Variants in MPRIP observed in about 807,000 individuals in gnomAD.
MPRIP encodes myosin phosphatase Rho interacting protein.
Under a neutral mutation model 234.9 loss-of-function variants are expected in MPRIP, and 59 were observed. The observed-to-expected ratio is 0.25, with a 90% CI of 0.20 to 0.31. MPRIP has a LOEUF of 0.31. MPRIP is among the 10% of genes least tolerant of loss of function. The probability of loss-of-function intolerance (pLI) is 1.00; values close to 1 mark genes in which losing one functional copy is unlikely to be tolerated. For missense variants in MPRIP, 2,436 were observed against 3,071.0 expected, an observed-to-expected ratio of 0.79 and a Z score of 4.89; for synonymous variants, 1,144 against 1,263.9, an observed-to-expected ratio of 0.91 and a Z score of 2.01.
In MPRIP at chr17:17,174,505, G is replaced by A. The variant is rs151323450; in HGVS notation, c.6750+430G>A. Among the ~76,000 whole-genome samples, 60 of 152,332 alleles carry A rather than the reference G, an allele frequency of 3.9e-4. No homozygotes were observed. The South Asian group carries it at 0.011, about 27-fold the overall frequency. Reference sequence around the variant, plus strand: ...TGACACTTCTCAGGGTCAGGCTTACGGCTCACATTTATTTTTGTCAGATTT... The same window carrying A: ...TGACACTTCTCAGGGTCAGGCTTACAGCTCACATTTATTTTTGTCAGATTT... On this transcript the variant is annotated intron_variant, in intron 19 of 23. Coordinates refer to ENST00000651222, the MANE Select transcript of MPRIP (RefSeq NM_001364716.4).
intron 21 of MPRIP, 61 bp from the exon 22 acceptor site, chr17:17,177,189 A>T: frequency 6.6e-7 from 1 of 1,522,702 alleles, no homozygotes; most frequent in Admixed American, 1.7e-5. Context: ...AAGACAGGCC[A>T]TGTTGTATGT....
chr17:17,158,885 G>A lies in MPRIP; in HGVS notation c.2283G>A (p.Val761=). 6.2e-7 allele frequency: 1 copy of A among 1,612,196 alleles called. No homozygotes were observed. Among genetic ancestry groups the A allele is most frequent in the Admixed American group, 1.7e-5 (1 of 60,032 alleles). ...HVEIEQRWHQ[V]ETTPLREEKQ... ...AGATTGAGCAGCGGTGGCATCAGGT[G>A]GAGACCACACCTCTCCGGGAAGAGA... Residue 761 remains valine (V), a synonymous_variant, in exon 14 of 24, where the codon GTG becomes GTA. Transcript: ENST00000651222.
chr17:17,107,335 CAG>C (rs2090082394), intron 3 of MPRIP, among the ~76,000 whole-genome samples: 1 of 152,248 alleles, frequency 6.6e-6, no homozygotes, highest in South Asian at 2.1e-4. Flanking sequence ...GAAGGAGCCT[CAG>C]AGCCTGGGCA....
intron 3 of MPRIP, among the ~76,000 whole-genome samples, chr17:17,103,415 A>C (rs1320331437): frequency 1.3e-5 from 2 of 152,290 alleles, no homozygotes; most frequent in East Asian, 3.9e-4. Flanking sequence ...AGCGGCTGCT[A>C]TTTTTAGTAA....
Position 17,164,810 on chromosome 17 carries a change from C to T in MPRIP, c.3219C>T (p.Phe1073=), listed in dbSNP as rs762322772. Residue 1073 remains phenylalanine, a synonymous_variant, in exon 16 of 24, where the codon TTC becomes TTT. Transcript: ENST00000651222. ...AGAAGGAGAAGCTGAGCGCCACTTT[C>T]GAGGGCAGTGAGCAGGTGCACCAGC... is the stretch of plus-strand genomic sequence containing the variant. ...TLQKEKLSAT[F]EGSEQVHQLE... 104 of 1,304,010 alleles carry T rather than the reference C, an allele frequency of 8.0e-5. No individual in the cohort carries two copies. The highest frequency in any genetic ancestry group is 4.2e-4 in the Middle Eastern group (2 of 4,710). 80.8% of individuals were successfully genotyped at this position (1,304,010 alleles called of 1,614,324 possible). A position where few individuals can be genotyped will look rare whatever the true frequency, so the allele number is the denominator to read the frequency against.
intron 3 of MPRIP, among the ~76,000 whole-genome samples, chr17:17,113,886 T>TC (rs1164055320): frequency 7.4e-6 from 1 of 134,932 alleles, no homozygotes; most frequent in African/African-American, 2.8e-5. Context: ...TTTTCTTTTC[T>TC]TTTTTTTTTT....
intron 20 of MPRIP, among the ~76,000 whole-genome samples, chr17:17,176,025 G>C (rs895700767): frequency 6.6e-6 from 1 of 152,200 alleles, no homozygotes; most frequent in African/African-American, 2.4e-5. Context: ...CAGGTGTTGG[G>C]CCGCTGTCTG....
intron 1 of MPRIP, chr17:17,057,751 C>G (rs769020277): frequency 1.4e-6 from 1 of 715,036 alleles, no homozygotes; most frequent in Admixed American, 2.0e-5. Context: ...CCCTGACCCC[C>G]ACCCGCTGCC....
intron 8 of MPRIP, among the ~76,000 whole-genome samples, 166 bp downstream of exon 8, chr17:17,142,931 G>A (rs548445924): frequency 6.6e-6 from 1 of 152,132 alleles, no homozygotes; most frequent in Admixed American, 6.5e-5. Context: ...CCTGTCTCCT[G>A]CAGCTTCATA....
At chr17:17,114,023 A>T (rs2090230442) in intron 3 of MPRIP, among the ~76,000 whole-genome samples, 1 of 150,780 alleles carries the variant, frequency 6.6e-6, no homozygotes, top group Admixed American at 6.6e-5. Flanking sequence ...AGTAACTGGG[A>T]CTATAAGAGT....
In MPRIP at chr17:17,075,929, G is replaced by A. The variant is rs2089317854; in HGVS notation, c.201+142G>A. 7 of 738,844 alleles carry A rather than the reference G, an allele frequency of 9.5e-6. No homozygotes were observed. The East Asian group carries it at 1.0e-4, about 11-fold the overall frequency. 45.8% of individuals were successfully genotyped at this position (738,844 alleles called of 1,614,324 possible). A position where few individuals can be genotyped will look rare whatever the true frequency, so the allele number is the denominator to read the frequency against. ...GACCAGCAGGGCTCCCCCATTTGGT[G>A]CACTTGTACGTTGTACAGAAAAGGT... On this transcript the variant is annotated intron_variant, in intron 2 of 23. Coordinates refer to ENST00000651222, the MANE Select transcript of MPRIP (RefSeq NM_001364716.4).
At chr17:17,132,060 G>T (rs2090608039) in intron 5 of MPRIP, among the ~76,000 whole-genome samples, 1 of 152,224 alleles carries the variant, frequency 6.6e-6, no homozygotes, top group African/African-American at 2.4e-5. Context: ...AGATGGCCCT[G>T]CAGGCAGCCG....
rs775059574 is a variant in MPRIP, at chr17:17,042,862, A to G, written c.14A>G (p.Lys5Arg). The part of the protein sequence containing the change: MSAA[K>R]ENPCRKFQAN... ...GCCGCGCCGACCATGTCGGCAGCCA[A>G]GGAGAACCCGTGCAGGAAATTCCAG... Residue 5 changes from lysine (K) to arginine (R), a missense_variant, in exon 1 of 24, where the codon AAG (lysine) becomes AGG (arginine). This residue lies in a region of MPRIP where 140 missense variants were observed against 207.3 expected (regional missense o/e 0.68). Transcript: ENST00000651222. The G allele has an allele frequency of 2.5e-6, 4 of 1,590,050 alleles. No homozygotes were observed. The South Asian group carries it at 4.5e-5, about 18-fold the overall frequency.
At chr17:17,108,161 T>C (rs992950181) in intron 3 of MPRIP, among the ~76,000 whole-genome samples, 1 of 152,174 alleles carries the variant, frequency 6.6e-6, no homozygotes, top group Non-Finnish European at 1.5e-5. Flanking sequence ...CCTTTCAGGG[T>C]ACTGTCCCCA....
chr17:17,174,303 A>G (rs570051681), intron 19 of MPRIP, among the ~76,000 whole-genome samples: 1 of 152,376 alleles, frequency 6.6e-6, no homozygotes, highest in African/African-American at 2.4e-5. Flanking sequence ...GCAACGCTGT[A>G]CTGCCACGTG....
chr17:17,131,044 A>G (rs964879026), intron 4 of MPRIP, among the ~76,000 whole-genome samples: 8 of 152,108 alleles, frequency 5.3e-5, no homozygotes, highest in African/African-American at 1.9e-4. Flanking sequence ...CCTGGTGTCT[A>G]TCCAGAGTGA....
At chr17:17,151,644 C>T (rs1045708232) in intron 12 of MPRIP, among the ~76,000 whole-genome samples, 1 of 152,196 alleles carries the variant, frequency 6.6e-6, no homozygotes, top group Non-Finnish European at 1.5e-5. Context: ...CAGCCTCTAC[C>T]CTGAGTTGTC....
chr17:17,165,604 C>G lies in MPRIP; in HGVS notation c.4013C>G (p.Ser1338Cys). 7.7e-7 allele frequency: 1 copy of G among 1,304,898 alleles called. No individual in the cohort carries two copies. The highest frequency in any genetic ancestry group is 1.2e-5 in the South Asian group (1 of 81,036). The allele number at this position is 1,304,898 out of a possible 1,614,324, so 80.8% of individuals were successfully genotyped here. Residue 1338 changes from serine to cysteine, a missense_variant, in exon 16 of 24, where the codon TCT (serine) becomes TGT (cysteine). By Grantham distance (112) the Ser-to-Cys change is moderately radical. Transcript: ENST00000651222. ...QCQRYIHPEG[S>C]EKTWTSSTSS... ...CAAAGATACATTCACCCCGAAGGGT[C>G]TGAGAAGACCTGGACCAGCAGCACA...
intron 15 of MPRIP, among the ~76,000 whole-genome samples, chr17:17,162,441 ACT>A (rs1474249870): frequency 6.6e-6 from 1 of 151,526 alleles, no homozygotes; most frequent in Non-Finnish European, 1.5e-5. Context: ...CTCTTTGCAG[ACT>A]CTCTGCTGTT....
Sources: allele counts gnomAD v4.1 joint callset (sites outside exome capture counted in the v4.1 genomes callset), GRCh38; gene constraint gnomAD v4.1.1; regional missense constraint gnomAD v4.1.1; transcripts MANE v1.5; gene names NCBI Gene and HGNC (gene_info 2026-07-23, HGNC 2026-07-21).